NAV3: variants seen among roughly 807,000 people sequenced by gnomAD.
The protein encoded by NAV3 is pore membrane and/or filament interacting like protein 1.
A neutral mutation model predicts 244.7 loss-of-function variants in NAV3; 87 were observed. The ratio of observed to expected loss-of-function variants is 0.36; its 90% CI spans 0.30 to 0.42. The LOEUF is 0.42. Ranked by LOEUF, NAV3 falls within the 20% of genes least tolerant of loss-of-function variation. The pLI is 1.00. For synonymous variants in NAV3, 1,126 were observed against 1,042.2 expected, an observed-to-expected ratio of 1.08 and a Z score of -1.55; for missense variants, 2,663 against 2,893.3, an observed-to-expected ratio of 0.92 and a Z score of 1.83.
chr12:77,594,688 T>TC (rs1369237819), intron 2 of NAV3, among the ~76,000 whole-genome samples: 1 of 152,108 alleles, frequency 6.6e-6, no homozygotes, highest in Non-Finnish European at 1.5e-5. Flanking sequence ...GACCGTTTTT[T>TC]CCCCCCAGGA....
At chr12:77,747,539 A>G (rs1348355305) in intron 2 of NAV3, among the ~76,000 whole-genome samples, 2 of 152,174 alleles carry the variant, frequency 1.3e-5, no homozygotes, top group Non-Finnish European at 2.9e-5. Context: ...CTGGGTATAC[A>G]CCCAAAGGAC....
intron 12 of NAV3, among the ~76,000 whole-genome samples, chr12:78,085,067 A>G (rs1221552277): frequency 6.6e-6 from 1 of 152,170 alleles, no homozygotes; most frequent in Admixed American, 6.6e-5. Context: ...TTGTGTTCCT[A>G]TAAAAATAAA....
At chr12:77,714,538 A>G (rs1041598391) in intron 2 of NAV3, among the ~76,000 whole-genome samples, 2 of 152,166 alleles carry the variant, frequency 1.3e-5, no homozygotes, top group African/African-American at 4.8e-5. Context: ...TTACTCCGCC[A>G]GTAATTAATT....
intron 2 of NAV3, among the ~76,000 whole-genome samples, chr12:77,609,972 G>A (rs1031956554): frequency 2.6e-5 from 4 of 152,060 alleles, no homozygotes; most frequent in Admixed American, 2.0e-4. Context: ...TACAATCATT[G>A]GGGAAGTTCA....
At chr12:78,056,630 G>A (rs1779615744) in intron 11 of NAV3, among the ~76,000 whole-genome samples, 2 of 152,114 alleles carry the variant, frequency 1.3e-5, no homozygotes, top group Non-Finnish European at 2.9e-5. Flanking sequence ...TTGGTAAGCT[G>A]AGGCAGGAGA....
rs1334868067 is a variant in NAV3, at chr12:78,119,566, G to A, written c.3370G>A (p.Val1124Met). ...LDGSQNQDDV[V>M]LHVSSKTTLQ... is the part of the protein sequence containing the mutation. ...CGGTTCACAGAATCAGGATGATGTT[G>A]TGCTGCATGTTAGCTCAAAGACTAC... Residue 1124 changes from valine to methionine, a missense_variant, in exon 15 of 40, where the codon GTG (valine) becomes ATG (methionine). By Grantham distance (21) the Val-to-Met change is conservative. Coordinates refer to ENST00000397909, the MANE Select transcript of NAV3 (RefSeq NM_001024383.2). The A allele has an allele frequency of 1.9e-6, 3 of 1,614,180 alleles. No individual in the cohort carries two copies. The highest frequency in any genetic ancestry group is 1.1e-5 in the South Asian group (1 of 91,078).
intron 2 of NAV3, among the ~76,000 whole-genome samples, chr12:77,717,248 A>G (rs1261079762): frequency 6.6e-6 from 1 of 151,956 alleles, no homozygotes; most frequent in Non-Finnish European, 1.5e-5. Flanking sequence ...GCATGACCAA[A>G]ACTCTATACC....
chr12:77,675,449 G>A (rs1874164057), intron 2 of NAV3, among the ~76,000 whole-genome samples: 1 of 152,254 alleles, frequency 6.6e-6, no homozygotes, highest in Admixed American at 6.5e-5. Context: ...ACCCGGAATA[G>A]CAAGGATAGT....
At chr12:77,913,327 A>G (rs1886802340) in intron 1 of NAV3, among the ~76,000 whole-genome samples, 1 of 152,086 alleles carries the variant, frequency 6.6e-6, no homozygotes, top group Non-Finnish European at 1.5e-5. Flanking sequence ...TATTAAACTT[A>G]TAGTAGTTTA....
At chr12:77,779,110 T>G (rs981279396) in intron 2 of NAV3, among the ~76,000 whole-genome samples, 1 of 152,260 alleles carries the variant, frequency 6.6e-6, no homozygotes, top group Non-Finnish European at 1.5e-5. Context: ...ATGACACTTT[T>G]GTGGCAATCT....
At chr12:77,726,244 G>T (rs1157196160) in intron 2 of NAV3, among the ~76,000 whole-genome samples, 1 of 151,892 alleles carries the variant, frequency 6.6e-6, no homozygotes, top group Admixed American at 6.6e-5. Flanking sequence ...CTTGTGGTTT[G>T]GATTTTCTCG....
At chr12:78,068,537 G>A (rs547242863) in intron 12 of NAV3, among the ~76,000 whole-genome samples, 128 of 149,392 alleles carry the variant, frequency 8.6e-4, no homozygotes, top group Admixed American at 4.2e-3. Flanking sequence ...GTGTGAGAGC[G>A]TCTAAAAAGC....
chr12:77,750,907 T>C (rs1396157485), intron 2 of NAV3, among the ~76,000 whole-genome samples: 7 of 152,232 alleles, frequency 4.6e-5, no homozygotes, highest in African/African-American at 1.4e-4. Context: ...TTTTTAAAAC[T>C]ATAATTTGCT....
chr12:77,712,552 A>G (rs1592608062), intron 2 of NAV3, among the ~76,000 whole-genome samples: 1 of 152,326 alleles, frequency 6.6e-6, no homozygotes, highest in East Asian at 1.9e-4. Flanking sequence ...AATAAGATAA[A>G]TGTTAGCCTG....
intron 12 of NAV3, among the ~76,000 whole-genome samples, chr12:78,062,879 T>C (rs1593437313): frequency 6.6e-6 from 1 of 152,088 alleles, no homozygotes; most frequent in East Asian, 1.9e-4. Flanking sequence ...CAAGAAAGCT[T>C]AAAAGTCAAA....
chr12:78,163,874 GA>G (rs1171116600), intron 23 of NAV3, among the ~76,000 whole-genome samples: 1 of 151,926 alleles, frequency 6.6e-6, no homozygotes, highest in African/African-American at 2.4e-5. Context: ...AGGATTATAT[GA>G]AAAAAATTAA....
chr12:78,208,185 G>A (rs888479100), intron 39 of NAV3, among the ~76,000 whole-genome samples: 3 of 152,108 alleles, frequency 2.0e-5, no homozygotes, highest in Admixed American at 6.6e-5. Context: ...GTGGGAGTGT[G>A]CAGAGAGGTC....
At chr12:77,610,465 C>T (rs920480681) in intron 2 of NAV3, among the ~76,000 whole-genome samples, 1 of 152,024 alleles carries the variant, frequency 6.6e-6, no homozygotes, top group African/African-American at 2.4e-5. Flanking sequence ...CTGGTTCCCT[C>T]AGAACCAGAA....
chr12:77,778,150 C>T (rs1249154788), intron 2 of NAV3, among the ~76,000 whole-genome samples: 1 of 108,852 alleles, frequency 9.2e-6, no homozygotes, highest in Non-Finnish European at 1.9e-5. Flanking sequence ...CCCCTCCCCT[C>T]CCCTCCCCTC....
Sources: gnomAD v4.1 joint callset for allele counts (sites outside exome capture counted in the v4.1 genomes callset) on GRCh38, gnomAD v4.1.1 for gene constraint, MANE v1.5 for transcripts, NCBI Gene and HGNC (gene_info 2026-07-23, HGNC 2026-07-21) for gene names.